Variants in RBMS3 observed in about 807,000 individuals in gnomAD.
RBMS3 encodes the protein RNA binding motif single stranded interacting protein 3, also known as RNA-binding motif, single-stranded-interacting protein 3.
RBMS3 carries 27 observed loss-of-function variants against 66.8 expected under a neutral mutation model. The ratio of observed to expected loss-of-function variants is 0.40; its 90% confidence interval spans 0.30 to 0.56. The LOEUF (loss-of-function observed/expected upper bound fraction) is 0.56. RBMS3 is among the 20% of genes least tolerant of loss of function. The pLI is 0.40. For synonymous variants in RBMS3, 188 were observed against 183.0 expected, an observed-to-expected ratio of 1.03 and a Z score of -0.22; for missense variants, 513 against 549.5, an observed-to-expected ratio of 0.93 and a Z score of 0.66.
chr3:29,453,436 G>A (rs908586152), intron 2 of RBMS3, among the ~76,000 whole-genome samples: 2 of 152,144 alleles, frequency 1.3e-5, no homozygotes, highest in African/African-American at 4.8e-5. Context: ...TTACTATTTG[G>A]CGACAAGCAG....
chr3:29,507,119 C>G (rs79798978), intron 3 of RBMS3, among the ~76,000 whole-genome samples: 3,546 of 150,068 alleles, frequency 0.024, 100 homozygotes, highest in Admixed American at 0.091. Context: ...CTAACTTTGG[C>G]CTTAATTTCT....
intron 2 of RBMS3, among the ~76,000 whole-genome samples, chr3:29,471,651 T>C (rs2042729535): frequency 6.6e-6 from 1 of 151,854 alleles, no homozygotes; most frequent in Admixed American, 6.6e-5. Context: ...GGCATACAGC[T>C]TATATACTAT....
At chr3:29,336,144 G>T (rs1280194647) in intron 1 of RBMS3, among the ~76,000 whole-genome samples, 1 of 152,102 alleles carries the variant, frequency 6.6e-6, no homozygotes, top group Non-Finnish European at 1.5e-5. Context: ...TCTAAAAATA[G>T]TTCTCAAACA....
intron 1 of RBMS3, among the ~76,000 whole-genome samples, chr3:29,327,963 C>T (rs898401916): frequency 6.6e-6 from 1 of 152,142 alleles, no homozygotes; most frequent in East Asian, 1.9e-4. Context: ...TTGTTGGGTG[C>T]CTTCCTTTTT....
At chr3:29,799,809 G>T (rs1328315805) in intron 6 of RBMS3, among the ~76,000 whole-genome samples, 1 of 152,128 alleles carries the variant, frequency 6.6e-6, no homozygotes, top group Non-Finnish European at 1.5e-5. Flanking sequence ...TTTATATCTA[G>T]CTGTCTCTGT....
At chr3:29,646,541 T>C (rs1247161963) in intron 4 of RBMS3, among the ~76,000 whole-genome samples, 1 of 152,220 alleles carries the variant, frequency 6.6e-6, no homozygotes, top group East Asian at 1.9e-4. Flanking sequence ...CTACCGTTAA[T>C]ATGTTACCTA....
chr3:29,559,699 A>G (rs2046483435), intron 3 of RBMS3, among the ~76,000 whole-genome samples: 2 of 152,130 alleles, frequency 1.3e-5, no homozygotes, highest in Admixed American at 1.3e-4. Context: ...TAAGTGGTCC[A>G]CACAGTGGAG....
intron 6 of RBMS3, among the ~76,000 whole-genome samples, chr3:29,822,952 T>C (rs2058110153): frequency 6.6e-6 from 1 of 152,190 alleles, no homozygotes; most frequent in Admixed American, 6.6e-5. Flanking sequence ...CTTAGTAAAA[T>C]GTGATACTTG....
intron 1 of RBMS3, among the ~76,000 whole-genome samples, chr3:29,384,644 C>T (rs961319434): frequency 6.6e-6 from 1 of 152,126 alleles, no homozygotes; most frequent in Non-Finnish European, 1.5e-5. Flanking sequence ...GATGCCTTAA[C>T]TGTATTAATA....
chr3:29,420,570 G>GTTTTT (rs1333277147), intron 1 of RBMS3, among the ~76,000 whole-genome samples: 1 of 150,950 alleles, frequency 6.6e-6, no homozygotes, highest in African/African-American at 2.4e-5. Context: ...GTTTTTTTTT[G>GTTTTT]TTTTGTTTTG....
chr3:29,492,840 A>G (rs2043600753), intron 3 of RBMS3, among the ~76,000 whole-genome samples: 2 of 152,226 alleles, frequency 1.3e-5, no homozygotes, highest in Admixed American at 6.5e-5. Context: ...GTGATAGTTT[A>G]TAACCCCTGA....
At chr3:29,696,909 A>G in intron 4 of RBMS3, 1 of 961,814 alleles carries the variant, frequency 1.0e-6, no homozygotes, top group Non-Finnish European at 1.2e-6. Flanking sequence ...CCCCTGATTG[A>G]CTAGTAAAAT....
At chr3:29,972,601 C>A (rs377596238) in intron 12 of RBMS3, among the ~76,000 whole-genome samples, 1 of 152,160 alleles carries the variant, frequency 6.6e-6, no homozygotes, top group Non-Finnish European at 1.5e-5. Flanking sequence ...ATCACTGACC[C>A]TTTTAGAGGC....
At position 30,005,055 on chromosome 3, in the gene RBMS3, C is replaced by T. The variant is rs1285607647; in HGVS notation, c.*1193C>T. On this transcript the variant is annotated 3_prime_UTR_variant, in exon 15 of 15. Transcript: ENST00000383767. Reference sequence around the variant, plus strand: ...ATTTTATACCAAAGATGAAGTGACACCCTATTACAGTCCAGAAGATAGAGG... The same window carrying T: ...ATTTTATACCAAAGATGAAGTGACATCCTATTACAGTCCAGAAGATAGAGG... 1 of 151,546 alleles carries T rather than the reference C, an allele frequency of 6.6e-6. No individual in the cohort carries two copies. The highest frequency in any genetic ancestry group is 1.5e-5 in the Non-Finnish European group (1 of 67,612). 9.4% of individuals were successfully genotyped at this position (151,546 alleles called of 1,614,324 possible). A position where few individuals can be genotyped will look rare whatever the true frequency, so the allele number is the denominator to read the frequency against.
intron 6 of RBMS3, among the ~76,000 whole-genome samples, chr3:29,789,987 A>C (rs142975839): frequency 1.3e-5 from 2 of 152,186 alleles, no homozygotes; most frequent in South Asian, 2.1e-4. Flanking sequence ...TCAATTTTCT[A>C]TCTCTCACAA....
At chr3:29,796,917 T>C (rs1223790614) in intron 6 of RBMS3, among the ~76,000 whole-genome samples, 1 of 152,102 alleles carries the variant, frequency 6.6e-6, no homozygotes, top group African/African-American at 2.4e-5. Context: ...TTTCACCATG[T>C]TGACCAGGAT....
rs193113002 is a variant in RBMS3 at position 29,988,857 on chromosome 3, T to G, written c.1179+634T>G. The stretch of plus-strand genomic sequence containing the variant: ...CTGCATCTGAATTTGCATTTTAAGA[T>G]GATCACTCAGTGATCCAAATGCACA... On this transcript the variant is annotated intron_variant, in intron 13 of 14. Coordinates refer to ENST00000383767, the MANE Select transcript of RBMS3 (RefSeq NM_001003793.3). Among the ~76,000 whole-genome samples, 407 of 152,338 alleles carry G rather than the reference T, an allele frequency of 2.7e-3. 8 individuals are homozygous for G. Among genetic ancestry groups the G allele is most frequent in the Admixed American group, 0.025 (379 of 15,302 alleles).
chr3:29,999,467 T>A (rs545298642), intron 14 of RBMS3, among the ~76,000 whole-genome samples: 146 of 152,338 alleles, frequency 9.6e-4, no homozygotes, highest in African/African-American at 3.3e-3. Context: ...TGCACATGTA[T>A]GTTTATAGCG....
At chr3:29,466,421 GT>G (rs1443171615) in intron 2 of RBMS3, among the ~76,000 whole-genome samples, 4 of 152,016 alleles carry the variant, frequency 2.6e-5, no homozygotes, top group Admixed American at 2.0e-4. Context: ...CCTAGTGATT[GT>G]TTATATATTT....
Sources: gnomAD v4.1 joint callset for allele counts (sites outside exome capture counted in the v4.1 genomes callset) on GRCh38, gnomAD v4.1.1 for gene constraint, MANE v1.5 for transcripts, NCBI Gene and HGNC (gene_info 2026-07-23, HGNC 2026-07-21) for gene names.